AK5: variants seen among roughly 807,000 people sequenced by gnomAD.
AK5 encodes adenylate kinase isoenzyme 5.
Under a neutral mutation model 69.5 loss-of-function variants are expected in AK5, and 27 were observed. The ratio of observed to expected loss-of-function variants is 0.39; its 90% CI spans 0.29 to 0.54. The LOEUF is 0.54. Among genes scored for constraint, AK5 ranks in the 20% least tolerant of loss-of-function variants. The probability of loss-of-function intolerance (pLI) is 0.71; values close to 1 mark genes in which losing one functional copy is unlikely to be tolerated. For synonymous variants in AK5, 260 were observed against 244.4 expected (o/e 1.06, Z -0.60); for missense variants, 531 against 700.4 (o/e 0.76, Z 2.73).
chr1:77,544,714 A>G (rs2100380865), intron 13 of AK5, among the ~76,000 whole-genome samples: 1 of 152,226 alleles, frequency 6.6e-6, no homozygotes, highest in African/African-American at 2.4e-5. Flanking sequence ...CTGCTTTGAT[A>G]ACAAGGCCTT....
At chr1:77,419,444 A>G (rs1209898293) in intron 8 of AK5, among the ~76,000 whole-genome samples, 1 of 152,214 alleles carries the variant, frequency 6.6e-6, no homozygotes, top group Non-Finnish European at 1.5e-5. Context: ...TAATATAAGG[A>G]TATTCAAAAT....
At chr1:77,521,989 A>G (rs1297550406) in intron 12 of AK5, 46 bp downstream of exon 12, 9 of 1,390,636 alleles carry the variant, frequency 6.5e-6, no homozygotes, top group Non-Finnish European at 7.9e-6. Flanking sequence ...AATAGGGGAC[A>G]TCCTTGAGGT....
intron 8 of AK5, among the ~76,000 whole-genome samples, chr1:77,421,061 T>C (rs1354647918): frequency 1.3e-5 from 2 of 152,226 alleles, no homozygotes; most frequent in Non-Finnish European, 2.9e-5. Context: ...GTAAAATTCA[T>C]TCTTGCTGAA....
chr1:77,374,198 A>G (rs932131320), intron 6 of AK5, among the ~76,000 whole-genome samples: 8 of 152,208 alleles, frequency 5.3e-5, no homozygotes, highest in African/African-American at 1.9e-4. Context: ...ACCATTCTCA[A>G]TACTGTCTCA....
At chr1:77,456,374 G>A (rs1003142561) in intron 8 of AK5, among the ~76,000 whole-genome samples, 1 of 152,206 alleles carries the variant, frequency 6.6e-6, no homozygotes, top group East Asian at 1.9e-4. Context: ...GCATGGAGAG[G>A]TTTCACTTGG....
At chr1:77,333,120 G>A (rs1356647925) in intron 5 of AK5, among the ~76,000 whole-genome samples, 1 of 151,974 alleles carries the variant, frequency 6.6e-6, no homozygotes, top group Non-Finnish European at 1.5e-5. Flanking sequence ...ATAGTTTTAC[G>A]AGCTTTCTGT....
intron 6 of AK5, among the ~76,000 whole-genome samples, chr1:77,391,155 A>G (rs1325158461): frequency 6.6e-6 from 1 of 152,090 alleles, no homozygotes; most frequent in Non-Finnish European, 1.5e-5. Context: ...AAATGGGTTC[A>G]GGAGAAGTCC....
At chr1:77,485,403 A>G (rs1471249201) in intron 9 of AK5, among the ~76,000 whole-genome samples, 1 of 152,228 alleles carries the variant, frequency 6.6e-6, no homozygotes, top group Non-Finnish European at 1.5e-5. Context: ...GGTATCGTGC[A>G]TATAAATGAA....
At chr1:77,475,360 T>A (rs1320066308) in intron 8 of AK5, among the ~76,000 whole-genome samples, 2 of 91,074 alleles carry the variant, frequency 2.2e-5, no homozygotes, top group Non-Finnish European at 4.7e-5. Context: ...ATATATATTA[T>A]ATATATACAA....
At chr1:77,397,835 G>A (rs1286161981) in intron 6 of AK5, among the ~76,000 whole-genome samples, 2 of 152,176 alleles carry the variant, frequency 1.3e-5, no homozygotes, top group African/African-American at 4.8e-5. Context: ...CCAGAAGTTA[G>A]AGACTGCAGT....
intron 5 of AK5, among the ~76,000 whole-genome samples, chr1:77,326,181 A>G (rs1277026746): frequency 2.0e-5 from 3 of 152,202 alleles, no homozygotes; most frequent in African/African-American, 7.2e-5. Flanking sequence ...ACTCTCTGAG[A>G]TAAGCGGAGA....
At chr1:77,480,916 C>T (rs1458539717) in intron 8 of AK5, among the ~76,000 whole-genome samples, 1 of 152,190 alleles carries the variant, frequency 6.6e-6, no homozygotes, top group Non-Finnish European at 1.5e-5. Context: ...TATTAGGGAG[C>T]CCTCTGAGGA....
chr1:77,464,884 A>T (rs1654047834), intron 8 of AK5, among the ~76,000 whole-genome samples: 1 of 152,104 alleles, frequency 6.6e-6, no homozygotes, highest in African/African-American at 2.4e-5. Context: ...TAATGAGAGG[A>T]GAGAGAGATT....
At chr1:77,373,185 A>T (rs1647153212) in intron 6 of AK5, among the ~76,000 whole-genome samples, 2 of 152,140 alleles carry the variant, frequency 1.3e-5, no homozygotes, top group Non-Finnish European at 2.9e-5. Context: ...ACTTCATAAC[A>T]TCCTTGCCAG....
intron 6 of AK5, among the ~76,000 whole-genome samples, chr1:77,381,098 C>T (rs7518696): frequency 0.21 from 31,326 of 152,104 alleles, 3,436 homozygotes; most frequent in East Asian, 0.41. Flanking sequence ...TGTTCCCCCC[C>T]GAATTTGTAC....
At chr1:77,556,021 C>CTA (rs1207381740) in intron 13 of AK5, among the ~76,000 whole-genome samples, 1 of 152,222 alleles carries the variant, frequency 6.6e-6, no homozygotes, top group Admixed American at 6.5e-5. Context: ...TTGCAGATTG[C>CTA]TATCTTTGAG....
At chr1:77,313,587 C>T (rs1220866458) in intron 5 of AK5, among the ~76,000 whole-genome samples, 1 of 152,048 alleles carries the variant, frequency 6.6e-6, no homozygotes, top group Non-Finnish European at 1.5e-5. Context: ...CTCCCTAGCC[C>T]GGCCCTCTCT....
chr1:77,368,307 A>ATGT (rs1647054428), intron 6 of AK5, among the ~76,000 whole-genome samples: 1 of 128,264 alleles, frequency 7.8e-6, no homozygotes, highest in Non-Finnish European at 1.6e-5. Context: ...TATATAATAT[A>ATGT]TATGTTATAT....
chr1:77,493,328 G>GCC (rs138633618), intron 10 of AK5, among the ~76,000 whole-genome samples: 58 of 150,758 alleles, frequency 3.8e-4, no homozygotes, highest in South Asian at 4.3e-4. Context: ...GACACCAGCA[G>GCC]CCCCCCCCAG....
Sources: gnomAD v4.1 joint callset for allele counts (sites outside exome capture counted in the v4.1 genomes callset) on GRCh38, gnomAD v4.1.1 for gene constraint, MANE v1.5 for transcripts, NCBI Gene and HGNC (gene_info 2026-07-23, HGNC 2026-07-21) for gene names.